The following CNRIP1 variants were observed in gnomAD, a reference collection of about 807,000 sequenced individuals.
CNRIP1 encodes CB1 cannabinoid receptor-interacting protein 1.
Under a neutral mutation model 15.2 loss-of-function variants are expected in CNRIP1, and 10 were observed. The ratio of observed to expected loss-of-function variants is 0.66; its 90% confidence interval spans 0.41 to 1.12. The LOEUF is 1.12. Among genes scored for constraint, CNRIP1 ranks in the 50% most tolerant of loss-of-function variants. The probability of loss-of-function intolerance (pLI) is 0.00; values close to 1 mark genes in which losing one functional copy is unlikely to be tolerated. For synonymous variants in CNRIP1, 91 were observed against 83.2 expected, an observed-to-expected ratio of 1.09 and a Z score of -0.51; for missense variants, 211 against 214.7, an observed-to-expected ratio of 0.98 and a Z score of 0.11.
intron 2 of CNRIP1, among the ~76,000 whole-genome samples, chr2:68,299,100 G>A (rs1017360070): frequency 2.0e-5 from 3 of 152,198 alleles, no homozygotes; most frequent in Non-Finnish European, 4.4e-5. Context: ...AGAGAGGTTA[G>A]ATGATTTGCC....
At chr2:68,295,182 G>A (rs995233046) in intron 2 of CNRIP1, among the ~76,000 whole-genome samples, 1 of 152,178 alleles carries the variant, frequency 6.6e-6, no homozygotes, top group Non-Finnish European at 1.5e-5. Context: ...CGTGGACAGA[G>A]GAAGGCAGTG....
In CNRIP1 at chr2:68,294,001, G is replaced by C. The variant is rs182093236; in HGVS notation, c.356C>G (p.Thr119Arg). Residue 119 changes from threonine to arginine, a missense_variant, in exon 3 of 3, where the codon ACA (threonine) becomes AGA (arginine). By Grantham distance (71) the Thr-to-Arg change is moderately conservative. Transcript: ENST00000263655. ...ATTGTAGAACTTGACTTGCCACACT[G>C]TCTCGAAGGTCCCAATGTCTGTGAA... ...MPFTDIGTFE[T>R]VWQVKFYNYH... is the part of the protein sequence containing the mutation. 9 of 1,614,000 alleles carry C rather than the reference G, an allele frequency of 5.6e-6. No individual in the cohort carries two copies. The East Asian group carries it at 2.0e-4, about 36-fold the overall frequency.
intron 2 of CNRIP1, among the ~76,000 whole-genome samples, chr2:68,311,969 G>A (rs574035049): frequency 5.3e-5 from 8 of 151,862 alleles, no homozygotes; most frequent in South Asian, 4.2e-4. Flanking sequence ...TGAATAGCCC[G>A]ATATCTATTA....
chr2:68,315,961 T>C (rs924301431), intron 2 of CNRIP1: 1 of 152,230 alleles, frequency 6.6e-6, no homozygotes, highest in Non-Finnish European at 1.5e-5. Context: ...ACAACACTTC[T>C]CTCTTGCAGG....
chr2:68,317,014 T>C, intron 2 of CNRIP1, 143 bp downstream of exon 2: 1 of 992,404 alleles, frequency 1.0e-6, no homozygotes, highest in Non-Finnish European at 1.6e-6. Flanking sequence ...CTCCAGCAGA[T>C]GCTTGAAGGA....
In CNRIP1 at chr2:68,301,893, CAAAA is replaced by C. The variant is rs61613452; in HGVS notation, c.331-7871_331-7868del. Among the ~76,000 whole-genome samples the C allele has an allele frequency of 1.3e-3, 95 of 74,268 alleles. 1 individual carries two copies. Among genetic ancestry groups the C allele is most frequent in the African/African-American group, 3.8e-3 (77 of 20,020 alleles). The allele number at this position is 74,268 out of a possible 152,430, so 48.7% of individuals were successfully genotyped here. A position where few individuals can be genotyped will look rare whatever the true frequency, so the allele number is the denominator to read the frequency against. On this transcript the variant is annotated intron_variant, in intron 2 of 2. Transcript: ENST00000263655. Reference sequence around the variant, plus strand: ...TGGGCGACAGAGCGAGTCTCCGTCTCAAAAAAAAAAAAAAAAAAAAAAATACTAA... The same window carrying C: ...TGGGCGACAGAGCGAGTCTCCGTCTCAAAAAAAAAAAAAAAAAAATACTAA...
chr2:68,313,729 T>C (rs983931406), intron 2 of CNRIP1, among the ~76,000 whole-genome samples: 1 of 152,188 alleles, frequency 6.6e-6, no homozygotes, highest in Non-Finnish European at 1.5e-5. Context: ...TAGTAGCATC[T>C]ACTTGTCAAA....
chr2:68,304,209 T>C (rs1443648), intron 2 of CNRIP1, among the ~76,000 whole-genome samples: 33,218 of 148,740 alleles, frequency 0.22, 3,927 homozygotes, highest in Non-Finnish European at 0.25. Context: ...GCCAACATGG[T>C]GAAAACCCTG....
chr2:68,305,511 G>A (rs1305894893), intron 2 of CNRIP1, among the ~76,000 whole-genome samples: 2 of 151,632 alleles, frequency 1.3e-5, no homozygotes, highest in Non-Finnish European at 2.9e-5. Flanking sequence ...AAAACTGGAA[G>A]TAGGCCGGGG....
chr2:68,298,328 T>C, intron 2 of CNRIP1, among the ~76,000 whole-genome samples: 1 of 152,238 alleles, frequency 6.6e-6, no homozygotes, highest in East Asian at 1.9e-4. Flanking sequence ...AACTTTATAC[T>C]AAAAATATTT....
At chr2:68,302,844 A>G (rs1029714579) in intron 2 of CNRIP1, among the ~76,000 whole-genome samples, 1 of 143,406 alleles carries the variant, frequency 7.0e-6, no homozygotes, top group African/African-American at 2.7e-5. Context: ...GATTTGAAAA[A>G]CTTTTTTTTT....
chr2:68,297,684 C>G (rs1671430935), intron 2 of CNRIP1, among the ~76,000 whole-genome samples: 1 of 150,648 alleles, frequency 6.6e-6, no homozygotes, highest in South Asian at 2.1e-4. Context: ...TACTATTCCT[C>G]TAACAACTTA....
chr2:68,293,757 A>T lies in CNRIP1; in HGVS notation c.*105T>A. The T allele has an allele frequency of 6.6e-7, 1 of 1,516,646 alleles. No homozygotes were observed. The highest frequency in any genetic ancestry group is 8.8e-7 in the Non-Finnish European group (1 of 1,130,860). The allele number at this position is 1,516,646 out of a possible 1,614,324, so 93.9% of individuals were successfully genotyped here. A position where few individuals can be genotyped will look rare whatever the true frequency, so the allele number is the denominator to read the frequency against. On this transcript the variant is annotated 3_prime_UTR_variant, in exon 3 of 3. Coordinates refer to ENST00000263655, the MANE Select transcript of CNRIP1 (RefSeq NM_015463.3). ...AGGGCTAGTAGGTCATTAGTACCAG[A>T]TGGGGAACAGCAATGGTGTGGCATG...
downstream of CNRIP1, among the ~76,000 whole-genome samples, chr2:68,288,379 A>G (rs1454905849): frequency 6.6e-6 from 1 of 152,090 alleles, no homozygotes; most frequent in Admixed American, 6.6e-5. Flanking sequence ...AGCAGAGGGA[A>G]CAGGCTGTGC....
At chr2:68,306,755 TG>T (rs140614028) in intron 2 of CNRIP1, among the ~76,000 whole-genome samples, 2,356 of 149,470 alleles carry the variant, frequency 0.016, 74 homozygotes, top group African/African-American at 0.054. Flanking sequence ...TACCACAGCA[TG>T]GGTGACAGAG....
chr2:68,305,622 C>T lies in CNRIP1; in HGVS notation c.330+11535G>A, dbSNP rs573633935. On this transcript the variant is annotated intron_variant, in intron 2 of 2. Transcript: ENST00000263655. ...CATCCTGGCTAACACGGTGAAACCC[C>T]GTCTCTACTAAAAATACAAAAGAAT... Among the ~76,000 whole-genome samples, 386 of 151,262 alleles carry T rather than the reference C, an allele frequency of 2.6e-3. 1 individual carries two copies. The highest frequency in any genetic ancestry group is 4.8e-3 in the African/African-American group (199 of 41,216).
chr2:68,296,315 A>T (rs1332977480), intron 2 of CNRIP1, among the ~76,000 whole-genome samples: 1 of 152,218 alleles, frequency 6.6e-6, no homozygotes, highest in African/African-American at 2.4e-5. Context: ...GCACTTTGGA[A>T]GGCCAAGATG....
chr2:68,295,092 T>C (rs1416853695), intron 2 of CNRIP1, among the ~76,000 whole-genome samples: 2 of 152,100 alleles, frequency 1.3e-5, no homozygotes, highest in Non-Finnish European at 2.9e-5. Context: ...GTCGTTATTT[T>C]CTCCTCTGAC....
chr2:68,284,406 T>C, exon 3 of CNRIP1: 1 of 1,457,182 alleles, frequency 6.9e-7, no homozygotes. Flanking sequence ...TTCCTCATGA[T>C]GGCACACATT....
Sources: allele counts gnomAD v4.1 joint callset (sites outside exome capture counted in the v4.1 genomes callset), GRCh38; gene constraint gnomAD v4.1.1; transcripts MANE v1.5; gene names NCBI Gene and HGNC (gene_info 2026-07-23, HGNC 2026-07-21).